LY96: variants seen among roughly 807,000 people sequenced by gnomAD.
LY96 encodes myeloid differentiation protein-2.
In LY96, 18 loss-of-function variants were observed where a neutral mutation model predicts 18.9. That is an observed-to-expected ratio of 0.95 (90% CI 0.66 to 1.41). The LOEUF (loss-of-function observed/expected upper bound fraction) is 1.41. Ranked by LOEUF, LY96 falls within the 40% of genes most tolerant of loss-of-function variation. The pLI is 0.00. For synonymous variants in LY96, 66 were observed against 62.6 expected, an observed-to-expected ratio of 1.06 and a Z score of -0.26; for missense variants, 175 against 182.4, an observed-to-expected ratio of 0.96 and a Z score of 0.23.
At chr8:74,033,458 C>A (rs550719470), downstream of LY96, among the ~76,000 whole-genome samples, 6 of 152,344 alleles carry the variant, frequency 3.9e-5, no homozygotes, top group African/African-American at 1.4e-4. Context: ...TTTGGCCCAA[C>A]CCCCTGCTGG....
the LY96 span, among the ~76,000 whole-genome samples, chr8:74,055,429 G>A: frequency 3.7e-4 from 57 of 152,080 alleles, no homozygotes; most frequent in Admixed American, 6.6e-4. Context: ...GTCCCTATCT[G>A]TAAGATTGTT....
chr8:74,046,903 CTTTTT>C, the LY96 span, among the ~76,000 whole-genome samples: 4 of 135,170 alleles, frequency 3.0e-5, no homozygotes, highest in Admixed American at 3.0e-4. Context: ...CATTCTCATT[CTTTTT>C]TTTTTTTTTT....
chr8:74,082,605 T>C, the LY96 span, among the ~76,000 whole-genome samples: 4 of 152,210 alleles, frequency 2.6e-5, no homozygotes, highest in African/African-American at 7.2e-5. Context: ...GGTTCATAGC[T>C]GAGGCTCCTA....
the LY96 span, among the ~76,000 whole-genome samples, chr8:74,060,303 T>C: frequency 6.6e-6 from 1 of 152,250 alleles, no homozygotes; most frequent in Non-Finnish European, 1.5e-5. Flanking sequence ...GAAAATGTTT[T>C]CTTAAAATTT....
chr8:74,028,982 T>C lies in LY96; in HGVS notation c.411T>C (p.Ala137=). The C allele has an allele frequency of 6.2e-7, 1 of 1,610,756 alleles. No individual in the cohort carries two copies. The highest frequency in any genetic ancestry group is 8.5e-7 in the Non-Finnish European group (1 of 1,177,492). The change falls in exon 5 of 5, where the codon GCT becomes GCC. Residue 137 remains alanine (A), a synonymous_variant. Transcript: ENST00000284818. The part of the protein sequence containing the change: ...SKGKYKCVVE[A]ISGSPEEMLF... ...GAAAATACAAATGTGTTGTTGAAGC[T>C]ATTTCTGGGAGCCCAGAAGAAATGC... is the stretch of plus-strand genomic sequence containing the variant.
At chr8:74,077,128 T>C in the LY96 span, among the ~76,000 whole-genome samples, 309 of 152,316 alleles carry the variant, frequency 2.0e-3, 1 homozygote, top group African/African-American at 6.4e-3. Flanking sequence ...CAGAGAGTGG[T>C]TCGTGGCTCT....
chr8:73,997,899 A>G (rs1403258236), intron 1 of LY96, among the ~76,000 whole-genome samples: 1 of 152,228 alleles, frequency 6.6e-6, no homozygotes, highest in Non-Finnish European at 1.5e-5. Flanking sequence ...CTCTGGGTGC[A>G]CCATCCTCCT....
the LY96 span, among the ~76,000 whole-genome samples, chr8:74,047,934 C>T: frequency 2.6e-5 from 4 of 152,040 alleles, no homozygotes; most frequent in Admixed American, 1.3e-4. Flanking sequence ...TCTGTCTCCC[C>T]AGGCTGGAGT....
At chr8:74,000,557 C>T (rs975252039) in intron 1 of LY96, among the ~76,000 whole-genome samples, 5 of 152,322 alleles carry the variant, frequency 3.3e-5, no homozygotes, top group Non-Finnish European at 5.9e-5. Context: ...CCTTAATGCT[C>T]TGTTCATGGC....
chr8:74,088,518 T>C, the LY96 span, among the ~76,000 whole-genome samples: 1 of 152,298 alleles, frequency 6.6e-6, no homozygotes, highest in Admixed American at 6.5e-5. Flanking sequence ...GTCTCATCTC[T>C]TCCCTCCCCT....
chr8:74,092,513 G>A, the LY96 span, among the ~76,000 whole-genome samples: 1 of 152,154 alleles, frequency 6.6e-6, no homozygotes, highest in African/African-American at 2.4e-5. Flanking sequence ...CTCCTGGGCT[G>A]CCATTTCTCT....
the LY96 span, among the ~76,000 whole-genome samples, chr8:74,089,836 G>A: frequency 6.6e-6 from 1 of 152,142 alleles, no homozygotes; most frequent in East Asian, 1.9e-4. Context: ...CGAATCATGT[G>A]CTGTTTGAGC....
chr8:74,003,938 GC>G (rs1816353147), intron 1 of LY96, among the ~76,000 whole-genome samples: 2 of 152,174 alleles, frequency 1.3e-5, no homozygotes, highest in African/African-American at 2.4e-5. Context: ...TCAGGGAGAT[GC>G]AGGCAGCTGT....
chr8:74,093,892 T>C, the LY96 span, among the ~76,000 whole-genome samples: 1 of 152,230 alleles, frequency 6.6e-6, no homozygotes, highest in Admixed American at 6.5e-5. Flanking sequence ...TTTGTTGTTG[T>C]TAAGCACAGA....
intron 3 of LY96, among the ~76,000 whole-genome samples, chr8:74,017,870 C>T (rs11986820): frequency 0.049 from 7,416 of 152,204 alleles, 603 homozygotes; most frequent in African/African-American, 0.17. Flanking sequence ...TTGCCACCAC[C>T]AGGCCTGCCT....
the LY96 span, among the ~76,000 whole-genome samples, chr8:74,086,170 T>A: frequency 2.0e-3 from 310 of 152,290 alleles, 1 homozygote; most frequent in African/African-American, 6.4e-3. Context: ...GACATTCAGG[T>A]CTTAGCATAA....
At chr8:74,039,656 C>G in the LY96 span, among the ~76,000 whole-genome samples, 1 of 152,120 alleles carries the variant, frequency 6.6e-6, no homozygotes, top group South Asian at 2.1e-4. Flanking sequence ...GGGCCCTTCC[C>G]TTTTAGGTAG....
At chr8:74,001,519 C>T (rs562531137) in intron 1 of LY96, among the ~76,000 whole-genome samples, 1 of 152,240 alleles carries the variant, frequency 6.6e-6, no homozygotes, top group South Asian at 2.1e-4. Context: ...CATGAGCCAG[C>T]ACACTTGGCC....
intron 3 of LY96, among the ~76,000 whole-genome samples, chr8:74,021,529 T>G (rs1431773166): frequency 1.3e-5 from 2 of 152,208 alleles, no homozygotes; most frequent in Non-Finnish European, 2.9e-5. Context: ...CTCAAGGATC[T>G]AGAACTAGAA....
Sources: gnomAD v4.1 joint callset for allele counts (sites outside exome capture counted in the v4.1 genomes callset) on GRCh38, gnomAD v4.1.1 for gene constraint, MANE v1.5 for transcripts, NCBI Gene and HGNC (gene_info 2026-07-23, HGNC 2026-07-21) for gene names.